The following ASIC2 variants were observed in gnomAD, a reference collection of about 807,000 sequenced individuals.
ASIC2 encodes the protein acid sensing ion channel subunit 2.
ASIC2 carries 25 observed loss-of-function variants against 57.3 expected under a neutral mutation model. The observed-to-expected ratio is 0.44, with a 90% confidence interval of 0.32 to 0.61. ASIC2 has a LOEUF of 0.61. Among genes scored for constraint, ASIC2 ranks in the 20% least tolerant of loss-of-function variants. The probability of loss-of-function intolerance (pLI) is 0.06; values close to 1 mark genes in which losing one functional copy is unlikely to be tolerated. For missense variants in ASIC2, 641 were observed against 738.1 expected (o/e 0.87, Z 1.52); for synonymous variants, 319 against 307.5 (o/e 1.04, Z -0.39).
intron 1 of ASIC2, among the ~76,000 whole-genome samples, chr17:33,859,591 T>C (rs761058687): frequency 1.3e-5 from 2 of 151,720 alleles, no homozygotes; most frequent in East Asian, 1.9e-4. Context: ...GAAGGCAGAG[T>C]GAGTGGAGAA....
intron 1 of ASIC2, among the ~76,000 whole-genome samples, chr17:33,186,189 C>A (rs1382487034): frequency 1.3e-5 from 2 of 152,278 alleles, no homozygotes; most frequent in South Asian, 4.1e-4. Flanking sequence ...TGGCCAACTG[C>A]AACCTCCATC....
chr17:33,512,290 T>C (rs1041038987), intron 1 of ASIC2, among the ~76,000 whole-genome samples: 4 of 152,176 alleles, frequency 2.6e-5, no homozygotes, highest in Non-Finnish European at 1.5e-5. Context: ...GGCTAGAGCC[T>C]GGAAGAATTG....
At chr17:33,266,044 C>A (rs955940822) in intron 1 of ASIC2, among the ~76,000 whole-genome samples, 18 of 152,272 alleles carry the variant, frequency 1.2e-4, no homozygotes, top group Non-Finnish European at 2.5e-4. Flanking sequence ...CACCCAGAGC[C>A]TTTTCACTAA....
chr17:33,340,726 C>T (rs1907688548), intron 1 of ASIC2, among the ~76,000 whole-genome samples: 2 of 152,014 alleles, frequency 1.3e-5, no homozygotes, highest in African/African-American at 2.4e-5. Flanking sequence ...CATCATCAAA[C>T]GGGCTCTGTA....
At chr17:33,897,926 T>C (rs913576328) in intron 1 of ASIC2, among the ~76,000 whole-genome samples, 3 of 152,174 alleles carry the variant, frequency 2.0e-5, no homozygotes, top group African/African-American at 7.2e-5. Context: ...AGATGGATGA[T>C]GAATATAGGT....
intron 1 of ASIC2, among the ~76,000 whole-genome samples, chr17:33,863,786 TAAAG>T (rs1343805189): frequency 6.6e-6 from 1 of 152,142 alleles, no homozygotes; most frequent in African/African-American, 2.4e-5. Context: ...TTCTTTTTAA[TAAAG>T]AAAGAACAAA....
intron 1 of ASIC2, among the ~76,000 whole-genome samples, chr17:33,472,194 A>G (rs1007939838): frequency 4.0e-5 from 6 of 151,806 alleles, no homozygotes; most frequent in Non-Finnish European, 7.4e-5. Context: ...TAATTTCTTT[A>G]TTTTTAGTAG....
At chr17:33,691,103 A>G (rs1440519463) in intron 1 of ASIC2, among the ~76,000 whole-genome samples, 1 of 152,136 alleles carries the variant, frequency 6.6e-6, no homozygotes, top group Non-Finnish European at 1.5e-5. Flanking sequence ...ATCTGGATGG[A>G]CTAATTTATT....
intron 1 of ASIC2, among the ~76,000 whole-genome samples, chr17:33,706,921 C>A (rs1000440335): frequency 1.3e-5 from 2 of 152,202 alleles, no homozygotes; most frequent in Non-Finnish European, 2.9e-5. Context: ...TTCTGTCTCT[C>A]TTTCTTCGTT....
chr17:33,611,774 A>G (rs1377900866), intron 1 of ASIC2, among the ~76,000 whole-genome samples: 1 of 152,264 alleles, frequency 6.6e-6, no homozygotes, highest in Non-Finnish European at 1.5e-5. Flanking sequence ...TAGGAGAGTC[A>G]CATGACCAAG....
At chr17:33,312,302 T>C (rs1457936620) in intron 1 of ASIC2, among the ~76,000 whole-genome samples, 1 of 152,168 alleles carries the variant, frequency 6.6e-6, no homozygotes, top group Admixed American at 6.5e-5. Flanking sequence ...ATTGGGACTT[T>C]TAGTGGGGTG....
intron 1 of ASIC2, among the ~76,000 whole-genome samples, chr17:33,946,835 G>A (rs1274325552): frequency 6.6e-6 from 1 of 152,154 alleles, no homozygotes; most frequent in Non-Finnish European, 1.5e-5. Flanking sequence ...GCAGAGACAG[G>A]GCCAGGAAAC....
At chr17:34,006,132 A>G (rs1175898047) in intron 1 of ASIC2, 2 of 152,254 alleles carry the variant, frequency 1.3e-5, no homozygotes, top group East Asian at 1.9e-4. Context: ...TGCCCTGATA[A>G]AGACTAATTG....
At chr17:33,132,519 A>C (rs916813880) in intron 1 of ASIC2, among the ~76,000 whole-genome samples, 1 of 152,148 alleles carries the variant, frequency 6.6e-6, no homozygotes, top group Non-Finnish European at 1.5e-5. Flanking sequence ...CACAGTAGGC[A>C]TTCAGGGCAT....
Position 34,069,285 on chromosome 17 carries a change from CCTTTCTTTCCTT to C in ASIC2, c.555+86681_555+86692del, listed in dbSNP as rs1412325035. 39 of 129,324 alleles carry C rather than the reference CCTTTCTTTCCTT, an allele frequency of 3.0e-4. 1 individual carries two copies. The highest frequency in any genetic ancestry group is 1.8e-4 in the Non-Finnish European group (11 of 62,272). 8.0% of individuals were successfully genotyped at this position (129,324 alleles called of 1,614,324 possible). The stretch of plus-strand genomic sequence containing the variant: ...CTTTTCCTTTCTTCCTTTCCTTCTT[CCTTTCTTTCCTT>C]CTTCCTTCCTTCCTTTCTTCCTTTC... On this transcript the variant is annotated intron_variant, in intron 1 of 9. Coordinates refer to the ASIC2 transcript ENST00000359872.
intron 1 of ASIC2, among the ~76,000 whole-genome samples, chr17:33,501,936 C>T (rs1293927249): frequency 2.0e-5 from 3 of 152,142 alleles, no homozygotes; most frequent in Non-Finnish European, 2.9e-5. Context: ...CTTAGAGGGC[C>T]AGTGGCAAGA....
chr17:33,188,908 T>G (rs1351548083), intron 1 of ASIC2, among the ~76,000 whole-genome samples: 22 of 152,186 alleles, frequency 1.4e-4, no homozygotes, highest in Admixed American at 1.4e-3. Flanking sequence ...TTTTAAAGTC[T>G]CTTTAAAAGA....
chr17:33,801,359 C>T (rs953930697), intron 1 of ASIC2, among the ~76,000 whole-genome samples: 2 of 152,170 alleles, frequency 1.3e-5, no homozygotes, highest in African/African-American at 2.4e-5. Context: ...ACTCTACCCA[C>T]ACACCTTTGC....
At chr17:33,075,552 G>A (rs1447721941) in intron 3 of ASIC2, among the ~76,000 whole-genome samples, 2 of 152,186 alleles carry the variant, frequency 1.3e-5, no homozygotes, top group African/African-American at 4.8e-5. Context: ...CACAGAAGCA[G>A]CTGCCTCAGT....
Sources: allele counts gnomAD v4.1 joint callset (sites outside exome capture counted in the v4.1 genomes callset), GRCh38; gene constraint gnomAD v4.1.1; transcripts MANE v1.5; gene names NCBI Gene and HGNC (gene_info 2026-07-23, HGNC 2026-07-21).